DACH2: variants seen among roughly 807,000 people sequenced by gnomAD.
DACH2 encodes the protein dachshund homolog 2.
DACH2 carries 17 observed loss-of-function variants against 35.8 expected under a neutral mutation model. The ratio of observed to expected loss-of-function variants is 0.48; its 90% CI spans 0.33 to 0.71. DACH2 has a LOEUF of 0.71. Ranked by LOEUF, DACH2 falls within the 30% of genes least tolerant of loss-of-function variation. The pLI is 0.02. For missense variants in DACH2, 469 were observed against 472.7 expected, an observed-to-expected ratio of 0.99 and a Z score of 0.07; for synonymous variants, 195 against 177.3, an observed-to-expected ratio of 1.10 and a Z score of -0.79.
intron 2 of DACH2, 122 bp from the exon 3 acceptor site, chrX:86,514,157 A>C (rs1031946936): frequency 1.6e-6 from 1 of 619,988 alleles, no homozygotes; most frequent in African/African-American, 2.3e-5. Flanking sequence ...AATAGTCTTT[A>C]ATGTAAAATT....
intron 4 of DACH2, among the ~76,000 whole-genome samples, chrX:86,656,421 G>A (rs1056385952): frequency 9.0e-6 from 1 of 110,762 alleles, no homozygotes; most frequent in Non-Finnish European, 1.9e-5. Context: ...ACACAGCTAG[G>A]TAGTGAGAGA....
chrX:86,314,598 AT>A (rs2034861899), intron 1 of DACH2, among the ~76,000 whole-genome samples: 1 of 112,325 alleles, frequency 8.9e-6, no homozygotes, highest in Admixed American at 9.5e-5. Flanking sequence ...TAGGCCTCTT[AT>A]GCCAAACAGT....
At chrX:86,319,923 A>G (rs2034985524) in intron 1 of DACH2, among the ~76,000 whole-genome samples, 1 of 111,858 alleles carries the variant, frequency 8.9e-6, no homozygotes, top group African/African-American at 3.2e-5. Flanking sequence ...TCCCAATTGG[A>G]TTATTGGCCT....
chrX:86,738,377 C>T (rs2041618602), intron 6 of DACH2, among the ~76,000 whole-genome samples: 1 of 111,789 alleles, frequency 8.9e-6, no homozygotes, highest in African/African-American at 3.3e-5. Flanking sequence ...GTTATTTGGG[C>T]TTCTCATGCA....
chrX:86,561,935 G>T (rs897840351), intron 3 of DACH2, among the ~76,000 whole-genome samples: 1 of 97,244 alleles, frequency 1.0e-5, no homozygotes, highest in Non-Finnish European at 2.1e-5. Context: ...ATTCAGCAAG[G>T]ATTCAGGATG....
chrX:86,272,199 A>AGTGTGTGTGTGTGT (rs139733313), intron 1 of DACH2, among the ~76,000 whole-genome samples: 2 of 100,483 alleles, frequency 2.0e-5, no homozygotes, highest in African/African-American at 7.3e-5. Flanking sequence ...TTCCTTTGAG[A>AGTGTGTGTGTGTGT]GTGTGTGTGT....
chrX:86,326,624 A>T (rs1002785118), intron 1 of DACH2, among the ~76,000 whole-genome samples: 4 of 110,381 alleles, frequency 3.6e-5, no homozygotes, highest in Non-Finnish European at 7.6e-5. Flanking sequence ...AGTGCGAATG[A>T]ATCTGTCACT....
rs900989232 is a variant in DACH2, at chrX:86,234,089, A to T, written c.488+84981A>T. ...TTATGGTTCAGGATAGTAGATAAAC[A>T]TCTCTCTGCATTTATCTTTCACTTT... is the stretch of plus-strand genomic sequence containing the variant. On this transcript the variant is annotated intron_variant, in intron 1 of 11. Coordinates refer to ENST00000373125, the MANE Select transcript of DACH2 (RefSeq NM_053281.3). Among the ~76,000 whole-genome samples the T allele has an allele frequency of 3.6e-5, 4 of 112,076 alleles. No homozygotes were observed. The Admixed American group carries it at 3.8e-4, about 11-fold the overall frequency.
At chrX:86,607,050 C>CT (rs2039868192) in intron 3 of DACH2, among the ~76,000 whole-genome samples, 3 of 111,350 alleles carry the variant, frequency 2.7e-5, no homozygotes, top group African/African-American at 9.8e-5. Flanking sequence ...CATGGGATAT[C>CT]TTTTTATTTT....
intron 3 of DACH2, among the ~76,000 whole-genome samples, chrX:86,569,728 A>G (rs2039341252): frequency 8.9e-6 from 1 of 111,936 alleles, no homozygotes; most frequent in Non-Finnish European, 1.9e-5. Flanking sequence ...ACAAAAGCCA[A>G]CATTGATAAA....
rs1024738408 is a variant in DACH2, at chrX:86,249,122, T to C, written c.488+100014T>C. 4.5e-5 allele frequency among the ~76,000 whole-genome samples: 5 copies of C among 111,367 alleles called. No homozygotes were observed. In the Admixed American group the frequency reaches 4.8e-4, roughly 11 times the overall value. On this transcript the variant is annotated intron_variant, in intron 1 of 11. Transcript: ENST00000373125. The stretch of plus-strand genomic sequence containing the variant: ...AAACCCTAGAAGAAAACCTAGGACA[T>C]TCTATTCTGTACATAGCCCTTGGCA...
At chrX:86,412,313 C>T (rs1412766154) in intron 2 of DACH2, among the ~76,000 whole-genome samples, 1 of 111,384 alleles carries the variant, frequency 9.0e-6, no homozygotes. Flanking sequence ...AGTGATGCCA[C>T]TTCTACTTCC....
At chrX:86,698,614 AC>A (rs1398596526) in intron 5 of DACH2, among the ~76,000 whole-genome samples, 1 of 88,596 alleles carries the variant, frequency 1.1e-5, no homozygotes, top group African/African-American at 4.5e-5. Flanking sequence ...TGCAGCCTTG[AC>A]CTCCCAGGCT....
intron 1 of DACH2, among the ~76,000 whole-genome samples, chrX:86,273,438 G>C (rs1321015161): frequency 8.9e-6 from 1 of 111,782 alleles, no homozygotes; most frequent in African/African-American, 3.3e-5. Context: ...TAGCACACTT[G>C]CATTGTTACA....
chrX:86,503,326 A>G (rs1392460772), intron 2 of DACH2, among the ~76,000 whole-genome samples: 1 of 112,103 alleles, frequency 8.9e-6, no homozygotes, highest in Non-Finnish European at 1.9e-5. Context: ...TGAACTGATC[A>G]CTAAACTGTA....
At chrX:86,276,479 GT>G (rs2033918369) in intron 1 of DACH2, among the ~76,000 whole-genome samples, 1 of 111,583 alleles carries the variant, frequency 9.0e-6, no homozygotes, top group South Asian at 3.8e-4. Context: ...CATTCTGTGA[GT>G]AGTGTTTTCA....
At chrX:86,466,652 G>T (rs1017571965) in intron 2 of DACH2, among the ~76,000 whole-genome samples, 6 of 111,858 alleles carry the variant, frequency 5.4e-5, no homozygotes, top group Non-Finnish European at 1.1e-4. Flanking sequence ...AGGTACAATG[G>T]GGGTATAGGT....
At chrX:86,417,347 A>T (rs1471337568) in intron 2 of DACH2, among the ~76,000 whole-genome samples, 1 of 111,505 alleles carries the variant, frequency 9.0e-6, no homozygotes, top group Non-Finnish European at 1.9e-5. Context: ...TATATTAGTC[A>T]ATTTTCATGC....
chrX:86,797,785 C>T (rs760534378), intron 7 of DACH2, among the ~76,000 whole-genome samples: 6 of 111,717 alleles, frequency 5.4e-5, no homozygotes, highest in Non-Finnish European at 9.4e-5. Context: ...TTTAGTATTT[C>T]TGCAAAGGGC....
Sources: allele counts gnomAD v4.1 joint callset (sites outside exome capture counted in the v4.1 genomes callset), GRCh38; gene constraint gnomAD v4.1.1; transcripts MANE v1.5; gene names NCBI Gene and HGNC (gene_info 2026-07-23, HGNC 2026-07-21).